Variants in GPHN observed in about 807,000 individuals in gnomAD.
The protein encoded by GPHN is gephyrin.
GPHN carries 17 observed loss-of-function variants against 95.5 expected under a neutral mutation model. The observed-to-expected ratio is 0.18, with a 90% CI of 0.12 to 0.27. GPHN has a LOEUF of 0.27. Ranked by LOEUF, GPHN falls within the 10% of genes least tolerant of loss-of-function variation. The probability of loss-of-function intolerance (pLI) is 1.00; values close to 1 mark genes in which losing one functional copy is unlikely to be tolerated. For missense variants in GPHN, 660 were observed against 978.1 expected (o/e 0.67, Z 4.34); for synonymous variants, 320 against 322.5 (o/e 0.99, Z 0.08).
At chr14:67,478,729 T>C in the GPHN span, among the ~76,000 whole-genome samples, 3 of 152,102 alleles carry the variant, frequency 2.0e-5, no homozygotes, top group African/African-American at 7.2e-5. Flanking sequence ...CGGTGAACCC[T>C]CCTTTAAGAC....
chr14:67,118,056 T>C (rs147546576), intron 16 of GPHN, among the ~76,000 whole-genome samples: 205 of 152,308 alleles, frequency 1.3e-3, no homozygotes, highest in African/African-American at 4.5e-3. Flanking sequence ...AAACATCACC[T>C]TGACAATGTT....
the GPHN span, chr14:67,574,446 G>A: frequency 4.9e-6 from 7 of 1,417,576 alleles, no homozygotes; most frequent in Admixed American, 1.1e-4. The surrounding 1 kb of genome is among the most constrained non-coding windows in gnomAD (Gnocchi z 4.2). Context: ...TGCCTCCTGC[G>A]AATCAGGGGA....
the GPHN span, among the ~76,000 whole-genome samples, chr14:67,584,419 A>C: frequency 6.6e-6 from 1 of 152,348 alleles, no homozygotes; most frequent in African/African-American, 2.4e-5. Flanking sequence ...CATTTTTTTT[A>C]AAGTTTGAAA....
At chr14:67,517,180 G>C in the GPHN span, among the ~76,000 whole-genome samples, 22 of 152,158 alleles carry the variant, frequency 1.4e-4, no homozygotes, top group Non-Finnish European at 3.1e-4. Context: ...CTAGCAGCAA[G>C]GCCTACCTGA....
chr14:67,431,407 A>G, the GPHN span, among the ~76,000 whole-genome samples: 1 of 150,752 alleles, frequency 6.6e-6, no homozygotes, highest in African/African-American at 2.4e-5. Context: ...AAAAAAAAAA[A>G]AAAAAAAAAA....
At chr14:67,340,798 C>T in the GPHN span, among the ~76,000 whole-genome samples, 30 of 152,146 alleles carry the variant, frequency 2.0e-4, no homozygotes, top group Admixed American at 1.7e-3. Context: ...CTCAGCCTGC[C>T]GAGTGCCTGC....
intron 10 of GPHN, among the ~76,000 whole-genome samples, chr14:67,024,650 C>T (rs753351295): frequency 1.1e-4 from 16 of 152,142 alleles, no homozygotes; most frequent in Non-Finnish European, 2.1e-4. Flanking sequence ...TGCAAGCTTC[C>T]AGTTGCCCTC....
intron 11 of GPHN, among the ~76,000 whole-genome samples, chr14:67,064,731 A>G (rs572808906): frequency 6.6e-6 from 1 of 152,214 alleles, no homozygotes; most frequent in South Asian, 2.1e-4. Context: ...AGAGGTGTTT[A>G]TGGTATTCTC....
chr14:66,871,441 C>A (rs527767608), intron 4 of GPHN, among the ~76,000 whole-genome samples: 1 of 152,242 alleles, frequency 6.6e-6, no homozygotes, highest in East Asian at 1.9e-4. Flanking sequence ...CCAAGAAGTT[C>A]CTTTAATATT....
the GPHN span, chr14:67,724,553 G>C: frequency 6.2e-7 from 1 of 1,613,976 alleles, no homozygotes; most frequent in Non-Finnish European, 8.5e-7. Flanking sequence ...GCCAACACGG[G>C]CATTGGCAAG....
At chr14:66,629,330 A>G (rs542917846) in intron 1 of GPHN, among the ~76,000 whole-genome samples, 32 of 151,272 alleles carry the variant, frequency 2.1e-4, no homozygotes, top group Non-Finnish European at 3.7e-4. Context: ...TTAAAAATTA[A>G]GACACAAACA....
intron 5 of GPHN, among the ~76,000 whole-genome samples, chr14:66,906,825 G>T (rs113599135): frequency 2.0e-5 from 3 of 152,172 alleles, no homozygotes; most frequent in African/African-American, 7.2e-5. Flanking sequence ...CTTCCACTGT[G>T]GTCAGAGAAG....
At chr14:66,529,272 G>A (rs2058817134) in intron 1 of GPHN, among the ~76,000 whole-genome samples, 2 of 151,670 alleles carry the variant, frequency 1.3e-5, no homozygotes, top group Non-Finnish European at 2.9e-5. Flanking sequence ...TGATACTTGT[G>A]TATGCTTCAC....
chr14:66,905,968 A>T (rs968792294), intron 5 of GPHN, among the ~76,000 whole-genome samples: 1 of 147,362 alleles, frequency 6.8e-6, no homozygotes, highest in Non-Finnish European at 1.5e-5. Flanking sequence ...TCTTTATTCA[A>T]TTCAGGATAT....
At chr14:67,291,567 G>A in the GPHN span, among the ~76,000 whole-genome samples, 1 of 152,216 alleles carries the variant, frequency 6.6e-6, no homozygotes, top group Non-Finnish European at 1.5e-5. Flanking sequence ...ACAGGCGTGA[G>A]CCACTGCGCC....
intron 2 of GPHN, among the ~76,000 whole-genome samples, chr14:66,695,880 C>G (rs2068071648): frequency 6.6e-6 from 1 of 152,154 alleles, no homozygotes; most frequent in Non-Finnish European, 1.5e-5. Flanking sequence ...AGGCAGAGTA[C>G]AGAGGATTTT....
At chr14:67,599,605 CGTAAA>C in the GPHN span, among the ~76,000 whole-genome samples, 45 of 152,234 alleles carry the variant, frequency 3.0e-4, no homozygotes, top group Non-Finnish European at 5.6e-4. Context: ...TGGAAGTCTA[CGTAAA>C]GTATTGTTAG....
chr14:66,613,375 C>A (rs993754914), intron 1 of GPHN, among the ~76,000 whole-genome samples: 2 of 152,082 alleles, frequency 1.3e-5, no homozygotes, highest in Non-Finnish European at 2.9e-5. Flanking sequence ...CTTCAGTATT[C>A]TTCATGGCAC....
chr14:67,645,558 G>A, the GPHN span: 2 of 1,484,584 alleles, frequency 1.3e-6, no homozygotes, highest in Non-Finnish European at 1.8e-6. Context: ...TGTGGAGAGA[G>A]TATAAGTTGT....
Sources: allele counts gnomAD v4.1 joint callset (sites outside exome capture counted in the v4.1 genomes callset), GRCh38; gene constraint gnomAD v4.1.1; non-coding constraint Gnocchi (gnomAD v3.1); transcripts MANE v1.5; gene names NCBI Gene and HGNC (gene_info 2026-07-23, HGNC 2026-07-21).